The following SETDB2 variants were observed in gnomAD, a reference collection of about 807,000 sequenced individuals.
SETDB2 encodes the protein histone-lysine N-methyltransferase SETDB2.
A neutral mutation model predicts 82.5 loss-of-function variants in SETDB2; 56 were observed. The ratio of observed to expected loss-of-function variants is 0.68; its 90% CI spans 0.55 to 0.85. SETDB2 has a LOEUF of 0.85. Among genes scored for constraint, SETDB2 ranks in the 40% least tolerant of loss-of-function variants. SETDB2 has a pLI of 0.00. For synonymous variants in SETDB2, 272 were observed against 284.9 expected (o/e 0.95, Z 0.46); for missense variants, 677 against 816.4 (o/e 0.83, Z 2.08).
chr13:49,480,212 CT>C lies in SETDB2; in HGVS notation c.870-3del, dbSNP rs1251395838. ...CATTCTTTCTCCATCCATTGCCTGC[CT>C]TTTAGAACAAAATGTGCATGTCTTC... On this transcript the variant is annotated splice_region_variant and splice_polypyrimidine_tract_variant and intron_variant, in intron 6 of 13. Transcript: ENST00000611815. 1 of 1,593,188 alleles carries C rather than the reference CT, an allele frequency of 6.3e-7. No homozygotes were observed. The highest frequency in any genetic ancestry group is 8.5e-7 in the Non-Finnish European group (1 of 1,171,054).
intron 7 of SETDB2, 111 bp from the exon 8 acceptor site, chr13:49,480,836 A>G (rs1240327153): frequency 1.2e-5 from 13 of 1,106,380 alleles, no homozygotes; most frequent in Non-Finnish European, 1.3e-6. Flanking sequence ...CTCTACCTCT[A>G]AGAGCTTTCA....
chr13:49,462,721 T>A (rs893404135), intron 4 of SETDB2, among the ~76,000 whole-genome samples: 3 of 152,240 alleles, frequency 2.0e-5, no homozygotes, highest in African/African-American at 7.2e-5. Flanking sequence ...TTGTCTTTTA[T>A]AATTTGGAGC....
chr13:49,447,020 T>G (rs1957703528), intron 1 of SETDB2, among the ~76,000 whole-genome samples: 1 of 152,184 alleles, frequency 6.6e-6, no homozygotes, highest in African/African-American at 2.4e-5. Context: ...CTCTACAGTT[T>G]AGACTAACAT....
intron 2 of SETDB2, among the ~76,000 whole-genome samples, chr13:49,452,860 C>G (rs1450461812): frequency 6.6e-6 from 1 of 152,028 alleles, no homozygotes; most frequent in Non-Finnish European, 1.5e-5. Context: ...TCATTTTCAT[C>G]ACATCATATC....
chr13:49,484,426 T>A (rs1313246931), intron 10 of SETDB2, among the ~76,000 whole-genome samples: 1 of 152,070 alleles, frequency 6.6e-6, no homozygotes, highest in Non-Finnish European at 1.5e-5. Flanking sequence ...CCTGCCACCA[T>A]GCCCAGCTAC....
chr13:49,467,866 C>CTCGGTGGT lies in SETDB2; in HGVS notation c.211_212insTCGGTGGT (p.Pro71LeufsTer7). The CTCGGTGGT allele has an allele frequency of 1.2e-6, 2 of 1,603,242 alleles. No individual in the cohort carries two copies. Among genetic ancestry groups the CTCGGTGGT allele is most frequent in the Admixed American group, 1.7e-5 (1 of 58,470 alleles). On this transcript the variant is annotated frameshift_variant, in exon 5 of 14. Coordinates refer to ENST00000611815, the MANE Select transcript of SETDB2 (RefSeq NM_001160308.3). LOFTEE classifies it high-confidence loss of function. ...GCTCACATTATTTTTTTGTGTAGAT[C>CTCGGTGGT]CTATGCCTGTGACTCAGAAGGAACA...
rs1034461078 is a variant in SETDB2, at chr13:49,492,622, A to T, written c.*773A>T. ...CCTAGAAAGTAGTCACACGTTGCTT[A>T]TTTAGGCCAGAAGTAATTGTACTGG... On this transcript the variant is annotated 3_prime_UTR_variant, in exon 14 of 14. Transcript: ENST00000611815. The T allele has an allele frequency of 6.6e-6, 1 of 152,282 alleles. No homozygotes were observed. Among genetic ancestry groups the T allele is most frequent in the Non-Finnish European group, 1.5e-5 (1 of 68,062 alleles). The allele number at this position is 152,282 out of a possible 1,614,324, so 9.4% of individuals were successfully genotyped here. A position where few individuals can be genotyped will look rare whatever the true frequency, so the allele number is the denominator to read the frequency against.
intron 2 of SETDB2, 113 bp downstream of exon 2, chr13:49,452,022 T>G (rs1957794518): frequency 1.5e-6 from 1 of 667,246 alleles, no homozygotes; most frequent in African/African-American, 1.9e-5. Flanking sequence ...CTTTTCTGAA[T>G]TAGAGGGAAT....
intron 4 of SETDB2, among the ~76,000 whole-genome samples, chr13:49,466,298 G>A (rs1487193851): frequency 6.6e-6 from 1 of 152,062 alleles, no homozygotes; most frequent in Non-Finnish European, 1.5e-5. Flanking sequence ...AGTCAGGTGT[G>A]GAGTTGCACA....
In SETDB2 at chr13:49,480,300, T is replaced by G; in HGVS notation, c.951T>G (p.Tyr317Ter). 6.2e-7 allele frequency: 1 copy of G among 1,610,676 alleles called. No homozygotes were observed. The change falls in exon 7 of 14, where the codon TAT (tyrosine) becomes TAG (stop). Residue 317 changes from tyrosine to a stop codon, truncating the protein, a stop_gained. Transcript: ENST00000611815. LOFTEE classifies it high-confidence loss of function. ...PLSSDKITTG[Y>*]KYKRLQRQIP... ...CAAGTGACAAAATAACCACTGGATA[T>G]AAATATAAAAGACTACAGAGACAGA...
At chr13:49,471,934 A>ATATATATATATATATATATAT (rs1378783393) in intron 5 of SETDB2, among the ~76,000 whole-genome samples, 1 of 119,278 alleles carries the variant, frequency 8.4e-6, no homozygotes, top group African/African-American at 3.6e-5. Context: ...ATATATATAT[A>ATATATATATATATATATATAT]TTTTTTTTTT....
At position 49,482,164 on chromosome 13, in the gene SETDB2, T is replaced by C. The variant is rs1958492728; in HGVS notation, c.1157-573T>C. On this transcript the variant is annotated intron_variant, in intron 8 of 13. Transcript: ENST00000611815. Reference sequence around the variant, plus strand: ...TGGTTTTATCGTTGTTGCTGGAAAATGTAACTAAGATATGTCTCCGATCTA... The same window carrying C: ...TGGTTTTATCGTTGTTGCTGGAAAACGTAACTAAGATATGTCTCCGATCTA... 5.1e-6 allele frequency: 5 copies of C among 985,294 alleles called. No homozygotes were observed. In the South Asian group the frequency reaches 1.4e-4, roughly 28 times the overall value. 61.0% of individuals were successfully genotyped at this position (985,294 alleles called of 1,614,324 possible). A position where few individuals can be genotyped will look rare whatever the true frequency, so the allele number is the denominator to read the frequency against.
chr13:49,454,381 C>T (rs536418906), intron 2 of SETDB2, among the ~76,000 whole-genome samples: 11 of 152,200 alleles, frequency 7.2e-5, no homozygotes, highest in Non-Finnish European at 1.5e-4. Context: ...TGTATTGCAG[C>T]CTGGGTGACA....
At chr13:49,490,279 C>CAAAAAAAAA (rs60013535) in intron 12 of SETDB2, among the ~76,000 whole-genome samples, 2 of 83,160 alleles carry the variant, frequency 2.4e-5, no homozygotes, top group Non-Finnish European at 4.5e-5. Flanking sequence ...GACTCCGTCT[C>CAAAAAAAAA]AAAAAAAAAA....
rs765198240 is a variant in SETDB2 at position 49,476,967 on chromosome 13, G to A, written c.797G>A (p.Arg266Gln). ...QFKYRKTVWP[R>Q]AYNLTNFSSM... ...AAGTACAGAAAGACTGTGTGGCCTCGAGCATATAATCTAACCAACTTTTCC... is the reference window on the plus strand; with the variant it reads ...AAGTACAGAAAGACTGTGTGGCCTCAAGCATATAATCTAACCAACTTTTCC... The change falls in exon 6 of 14, where the codon CGA becomes CAA. Residue 266 changes from arginine (R) to glutamine (Q), a missense_variant. Arg to Gln is a conservative substitution (Grantham distance 43, BLOSUM62 1). This residue lies in a region of SETDB2 where 420 missense variants were observed against 554.6 expected (regional missense o/e 0.76). Coordinates refer to ENST00000611815, the MANE Select transcript of SETDB2 (RefSeq NM_001160308.3). 1.2e-6 allele frequency: 2 copies of A among 1,613,756 alleles called. No homozygotes were observed. Among genetic ancestry groups the A allele is most frequent in the Non-Finnish European group, 8.5e-7 (1 of 1,179,992 alleles).
At position 49,490,910 on chromosome 13, in the gene SETDB2, G is replaced by C; in HGVS notation, c.2006G>C (p.Arg669Thr). ...CCATTGGTGGCATTCTTCACCAACA[G>C]GTTTGAAATTGATTTCGCTTACTTA... ...NFPLVAFFTN[R>T]YVKARTELTW... The change falls in exon 13 of 14, where the codon AGG becomes ACG. Residue 669 changes from arginine (R) to threonine (T), a missense_variant and splice_region_variant. Physicochemically the swap from Arg to Thr is moderately conservative, Grantham distance 71. This residue lies in a region of SETDB2 where 420 missense variants were observed against 554.6 expected (regional missense o/e 0.76). Coordinates refer to ENST00000611815, the MANE Select transcript of SETDB2 (RefSeq NM_001160308.3). The C allele has an allele frequency of 6.2e-7, 1 of 1,610,894 alleles. No individual in the cohort carries two copies. Among genetic ancestry groups the C allele is most frequent in the Non-Finnish European group, 8.5e-7 (1 of 1,177,540 alleles).
intron 5 of SETDB2, among the ~76,000 whole-genome samples, chr13:49,472,621 C>A (rs535894581): frequency 6.6e-6 from 1 of 152,040 alleles, no homozygotes; most frequent in Admixed American, 6.6e-5. Context: ...ATAAAGTTAA[C>A]CCTCCTCTCC....
chr13:49,488,628 A>C lies in SETDB2; in HGVS notation c.1915A>C (p.Asn639His). Reference protein sequence around the residue: ...TKEGNVGRFLNHSCCPNLLVQ... With the variant: ...TKEGNVGRFLHHSCCPNLLVQ... ...AGAAGGAAATGTCGGCCGCTTCCTT[A>C]ATGTGAGTATAAGGGCTGAGATTCC... The change falls in exon 12 of 14, where the codon AAT (asparagine) becomes CAT (histidine). Residue 639 changes from asparagine to histidine, a missense_variant and splice_region_variant. By Grantham distance (68) the Asn-to-His change is moderately conservative. Coordinates refer to ENST00000611815, the MANE Select transcript of SETDB2 (RefSeq NM_001160308.3). The C allele has an allele frequency of 6.3e-7, 1 of 1,585,500 alleles. No homozygotes were observed. The highest frequency in any genetic ancestry group is 8.6e-7 in the Non-Finnish European group (1 of 1,167,508).
intron 11 of SETDB2, among the ~76,000 whole-genome samples, chr13:49,486,835 G>A (rs1958607146): frequency 6.6e-6 from 1 of 152,168 alleles, no homozygotes; most frequent in South Asian, 2.1e-4. Flanking sequence ...ATTGCTGAGA[G>A]ATATCCGTTT....
Sources: allele counts gnomAD v4.1 joint callset (sites outside exome capture counted in the v4.1 genomes callset), GRCh38; gene constraint gnomAD v4.1.1; regional missense constraint gnomAD v4.1.1; transcripts MANE v1.5; gene names NCBI Gene and HGNC (gene_info 2026-07-23, HGNC 2026-07-21).